The following THADA variants were observed in gnomAD, a reference collection of about 807,000 sequenced individuals.
THADA encodes the protein THADA armadillo repeat containing.
A neutral mutation model predicts 219.8 loss-of-function variants in THADA; 213 were observed. The observed-to-expected ratio is 0.97, with a 90% CI of 0.87 to 1.09. THADA has a LOEUF of 1.09. Ranked by LOEUF, THADA falls within the 50% of genes least tolerant of loss-of-function variation. THADA has a pLI of 0.00. For synonymous variants in THADA, 1,018 were observed against 828.9 expected, an observed-to-expected ratio of 1.23 and a Z score of -3.92; for missense variants, 2,956 against 2,311.3, an observed-to-expected ratio of 1.28 and a Z score of -5.72.
chr2:43,498,255 T>TTA (rs1428825086), intron 25 of THADA, among the ~76,000 whole-genome samples: 1 of 152,190 alleles, frequency 6.6e-6, no homozygotes, highest in Non-Finnish European at 1.5e-5. Context: ...TAGTGTTTAA[T>TTA]GAGTACAGAG....
intron 31 of THADA, among the ~76,000 whole-genome samples, chr2:43,310,496 T>C (rs1366934707): frequency 2.0e-5 from 3 of 152,278 alleles, no homozygotes; most frequent in East Asian, 1.9e-4. Context: ...GGGGAAAGGA[T>C]AGTCTTTTTG....
intron 30 of THADA, among the ~76,000 whole-genome samples, chr2:43,336,636 A>G (rs1484422871): frequency 1.3e-5 from 2 of 152,108 alleles, no homozygotes; most frequent in Middle Eastern, 3.4e-3. Context: ...ACACCACAGT[A>G]TCAGGTTTAA....
At chr2:43,306,097 G>A (rs546894236) in intron 31 of THADA, among the ~76,000 whole-genome samples, 4 of 151,990 alleles carry the variant, frequency 2.6e-5, no homozygotes, top group African/African-American at 9.7e-5. Flanking sequence ...CAATGGAAAT[G>A]AGTCTGGGAG....
At chr2:43,402,740 C>G (rs1447916153) in intron 28 of THADA, among the ~76,000 whole-genome samples, 1 of 152,162 alleles carries the variant, frequency 6.6e-6, no homozygotes, top group Non-Finnish European at 1.5e-5. Context: ...GACAGAAGAA[C>G]CAGCCAATGA....
At chr2:43,231,648 G>A (rs1269579551) in intron 37 of THADA, among the ~76,000 whole-genome samples, 1 of 152,184 alleles carries the variant, frequency 6.6e-6, no homozygotes, top group Non-Finnish European at 1.5e-5. Flanking sequence ...GCTGAAAAGG[G>A]GACTTCAACA....
At chr2:43,299,995 T>C (rs1313963754) in intron 31 of THADA, among the ~76,000 whole-genome samples, 1 of 125,300 alleles carries the variant, frequency 8.0e-6, no homozygotes, top group African/African-American at 3.1e-5. Flanking sequence ...GCCACTGCAC[T>C]ACAGCCTGTA....
chr2:43,578,772 C>G (rs897245083), intron 8 of THADA, among the ~76,000 whole-genome samples, 165 bp from the exon 9 acceptor site: 5 of 152,200 alleles, frequency 3.3e-5, no homozygotes, highest in African/African-American at 1.2e-4. Context: ...CACAGACTCT[C>G]TTTTCTCTTG....
chr2:43,581,085 T>C (rs1279387426), intron 8 of THADA, among the ~76,000 whole-genome samples: 1 of 152,184 alleles, frequency 6.6e-6, no homozygotes. Flanking sequence ...ACTTTTTATA[T>C]AAATACTTGT....
intron 22 of THADA, among the ~76,000 whole-genome samples, chr2:43,514,679 T>TATATTGTATATAATAATATATAA (rs1437065841): frequency 5.1e-5 from 4 of 78,096 alleles, no homozygotes; most frequent in African/African-American, 2.5e-4. Flanking sequence ...ATATAATATA[T>TATATTGTATATAATAATATATAA]TATATTATAT....
At chr2:43,239,807 C>T (rs1558451349) in intron 36 of THADA, among the ~76,000 whole-genome samples, 1 of 152,220 alleles carries the variant, frequency 6.6e-6, no homozygotes, top group Non-Finnish European at 1.5e-5. Flanking sequence ...CTTTAGGGGA[C>T]TGGCCAAGGT....
At position 43,391,506 on chromosome 2, in the gene THADA, A is replaced by G. The variant is rs906835968; in HGVS notation, c.4227+6465T>C. ...AGGAAGGGATTAATTCATCTTCAAA[A>G]GTAGCATTTTAATTAAAAATGACTT... On this transcript the variant is annotated intron_variant, in intron 29 of 37. Transcript: ENST00000405975. Among the ~76,000 whole-genome samples the G allele has an allele frequency of 2.6e-5, 4 of 152,366 alleles. No homozygotes were observed. In the South Asian group the frequency reaches 8.3e-4, roughly 32 times the overall value.
chr2:43,520,911 G>C (rs1393523933), intron 22 of THADA, among the ~76,000 whole-genome samples: 1 of 144,498 alleles, frequency 6.9e-6, no homozygotes, highest in African/African-American at 2.6e-5. Flanking sequence ...GAAGGAGGGA[G>C]GGAGGGAAGA....
intron 10 of THADA, among the ~76,000 whole-genome samples, chr2:43,575,660 C>A (rs1699776071): frequency 6.6e-6 from 1 of 152,146 alleles, no homozygotes; most frequent in African/African-American, 2.4e-5. Context: ...CCTCAGCCGC[C>A]TCAGTAGCTG....
rs1220610928 is a variant in THADA, at chr2:43,300,397, T to A, written c.4439-7184A>T. Among the ~76,000 whole-genome samples the A allele has an allele frequency of 2.0e-5, 3 of 152,132 alleles. 1 individual carries two copies. Among genetic ancestry groups the A allele is most frequent in the Non-Finnish European group, 4.4e-5 (3 of 68,008 alleles). ...AGGTAGGCTCTATTATTATTATTAT[T>A]CCCATTTTACAGATGAGGAAACAGA... On this transcript the variant is annotated intron_variant, in intron 31 of 37. Transcript: ENST00000405975.
At chr2:43,283,710 T>G (rs925835421) in intron 35 of THADA, among the ~76,000 whole-genome samples, 2 of 152,216 alleles carry the variant, frequency 1.3e-5, no homozygotes, top group Non-Finnish European at 2.9e-5. Context: ...ATTCAAGATG[T>G]GACCTGGCTG....
intron 36 of THADA, among the ~76,000 whole-genome samples, chr2:43,269,814 C>T (rs537428359): frequency 6.6e-6 from 1 of 152,350 alleles, no homozygotes; most frequent in East Asian, 1.9e-4. Context: ...CCTGCAGCCC[C>T]ACTGACAATA....
chr2:43,401,119 G>T (rs945099983), intron 28 of THADA, among the ~76,000 whole-genome samples: 6 of 152,086 alleles, frequency 3.9e-5, no homozygotes, highest in African/African-American at 1.4e-4. Context: ...CTATGTTCTA[G>T]GCCTGAATAC....
At chr2:43,485,670 T>C (rs1367761413) in intron 25 of THADA, among the ~76,000 whole-genome samples, 1 of 152,130 alleles carries the variant, frequency 6.6e-6, no homozygotes, top group African/African-American at 2.4e-5. Flanking sequence ...AAGATTGCAG[T>C]AAAACCTCAG....
At chr2:43,542,326 G>T (rs1695433415) in intron 20 of THADA, among the ~76,000 whole-genome samples, 1 of 152,116 alleles carries the variant, frequency 6.6e-6, no homozygotes, top group Admixed American at 6.5e-5. Flanking sequence ...AGGAAACCTT[G>T]GAGGAATTTA....
Sources: allele counts gnomAD v4.1 joint callset (sites outside exome capture counted in the v4.1 genomes callset), GRCh38; gene constraint gnomAD v4.1.1; transcripts MANE v1.5; gene names NCBI Gene and HGNC (gene_info 2026-07-23, HGNC 2026-07-21).